The following ROR2 variants were observed in gnomAD, a reference collection of about 807,000 sequenced individuals.
ROR2 encodes the protein tyrosine-protein kinase transmembrane receptor ROR2.
A neutral mutation model predicts 74.9 loss-of-function variants in ROR2; 33 were observed. That is an observed-to-expected ratio of 0.44 (90% CI 0.33 to 0.59). The LOEUF (loss-of-function observed/expected upper bound fraction) is 0.59. Among genes scored for constraint, ROR2 ranks in the 20% least tolerant of loss-of-function variants. ROR2 has a pLI of 0.02. For synonymous variants in ROR2, 586 were observed against 558.7 expected, an observed-to-expected ratio of 1.05 and a Z score of -0.69; for missense variants, 1,216 against 1,313.8, an observed-to-expected ratio of 0.93 and a Z score of 1.15.
At position 91,783,751 on chromosome 9, in the gene ROR2, G is replaced by A. The variant is rs766157622; in HGVS notation, c.98-7933C>T. The stretch of plus-strand genomic sequence containing the variant: ...CCTGGAGGGCACACCAGGGATGGAG[G>A]TGGAGTTGGCCTTCTGCAGCCTGAC... On this transcript the variant is annotated intron_variant, in intron 1 of 8. Coordinates refer to ENST00000375708, the MANE Select transcript of ROR2 (RefSeq NM_004560.4). Among the ~76,000 whole-genome samples, 5 of 152,196 alleles carry A rather than the reference G, an allele frequency of 3.3e-5. 1 individual carries two copies.
chr9:91,898,894 C>A (rs1830602669), intron 1 of ROR2, among the ~76,000 whole-genome samples: 1 of 152,194 alleles, frequency 6.6e-6, no homozygotes, highest in Admixed American at 6.5e-5. Context: ...CTGAGCAAGG[C>A]CACAGTAACT....
At chr9:91,847,052 C>T (rs1828954948) in intron 1 of ROR2, among the ~76,000 whole-genome samples, 1 of 152,020 alleles carries the variant, frequency 6.6e-6, no homozygotes, top group Admixed American at 6.5e-5. Context: ...GGCTCACAGA[C>T]ACAAATGGCA....
intron 1 of ROR2, among the ~76,000 whole-genome samples, chr9:91,786,601 C>T (rs750475501): frequency 1.3e-5 from 2 of 152,174 alleles, no homozygotes; most frequent in Non-Finnish European, 2.9e-5. Flanking sequence ...GGCCACCAAC[C>T]TCGCAAACAG....
intron 1 of ROR2, among the ~76,000 whole-genome samples, chr9:91,792,294 A>C (rs181839163): frequency 6.6e-6 from 1 of 151,834 alleles, no homozygotes; most frequent in East Asian, 1.9e-4. Context: ...TCGAGACCAA[A>C]AGTTGGTTCT....
intron 4 of ROR2, among the ~76,000 whole-genome samples, chr9:91,746,927 T>C (rs895959992): frequency 6.6e-6 from 1 of 150,908 alleles, no homozygotes; most frequent in Middle Eastern, 3.2e-3. Context: ...GGCCATGGGG[T>C]GGGTCCAGGA....
intron 1 of ROR2, among the ~76,000 whole-genome samples, chr9:91,808,754 C>A (rs919567480): frequency 1.3e-5 from 2 of 151,912 alleles, no homozygotes; most frequent in African/African-American, 4.8e-5. Flanking sequence ...GTCAGGAGAT[C>A]GAGACCATCC....
At chr9:91,866,293 T>C (rs965787006) in intron 1 of ROR2, among the ~76,000 whole-genome samples, 3 of 151,834 alleles carry the variant, frequency 2.0e-5, no homozygotes, top group African/African-American at 7.3e-5. Flanking sequence ...CTAATTTTTA[T>C]ATTTTTAGTA....
intron 4 of ROR2, among the ~76,000 whole-genome samples, chr9:91,738,257 ACT>A (rs1417968354): frequency 6.6e-6 from 1 of 152,080 alleles, no homozygotes; most frequent in East Asian, 1.9e-4. Context: ...GGGCGGGAAG[ACT>A]CTGGATTTTC....
rs773726088 is a variant in ROR2 at position 91,814,369 on chromosome 9, C to T, written c.98-38551G>A. On this transcript the variant is annotated intron_variant, in intron 1 of 8. Transcript: ENST00000375708. Reference sequence around the variant, plus strand: ...ACTCCTGTCCGTTCGTCAGAGGCCACGCACTCTAGCCTCCCCTTACCCCAC... The same window carrying T: ...ACTCCTGTCCGTTCGTCAGAGGCCATGCACTCTAGCCTCCCCTTACCCCAC... Among the ~76,000 whole-genome samples the T allele has an allele frequency of 5.3e-5, 8 of 152,140 alleles. No individual in the cohort carries two copies. In the South Asian group the frequency reaches 1.0e-3, roughly 20 times the overall value.
intron 1 of ROR2, among the ~76,000 whole-genome samples, chr9:91,879,256 A>C (rs773621756): frequency 2.0e-5 from 3 of 152,212 alleles, no homozygotes; most frequent in Non-Finnish European, 4.4e-5. Context: ...CTGGCCCAGG[A>C]AGACCTCCAC....
intron 1 of ROR2, chr9:91,887,184 G>T (rs935865830): frequency 6.6e-6 from 1 of 152,176 alleles, no homozygotes; most frequent in African/African-American, 2.4e-5. Context: ...CCAATTATTT[G>T]AAAGTTGCCA....
intron 1 of ROR2, among the ~76,000 whole-genome samples, chr9:91,835,508 T>C (rs1348226870): frequency 6.6e-6 from 1 of 151,806 alleles, no homozygotes; most frequent in African/African-American, 2.4e-5. Flanking sequence ...CAGAGTTAAA[T>C]GTAGATTGGA....
At chr9:91,804,585 G>T (rs757267916) in intron 1 of ROR2, among the ~76,000 whole-genome samples, 1 of 152,242 alleles carries the variant, frequency 6.6e-6, no homozygotes, top group East Asian at 1.9e-4. Flanking sequence ...GTGGCAGAGC[G>T]TCATGCGGCC....
chr9:91,900,403 C>G (rs1830644625), intron 1 of ROR2, among the ~76,000 whole-genome samples: 1 of 152,244 alleles, frequency 6.6e-6, no homozygotes, highest in South Asian at 2.1e-4. Flanking sequence ...TGGCGCAGGC[C>G]CCCCCACGCA....
At chr9:91,866,227 C>T (rs554637624) in intron 1 of ROR2, among the ~76,000 whole-genome samples, 1 of 152,108 alleles carries the variant, frequency 6.6e-6, no homozygotes, top group South Asian at 2.1e-4. Flanking sequence ...TCAAGTGATT[C>T]TCCTGCCTCA....
chr9:91,744,918 A>T (rs1156322813), intron 4 of ROR2, among the ~76,000 whole-genome samples: 1 of 151,840 alleles, frequency 6.6e-6, no homozygotes, highest in Non-Finnish European at 1.5e-5. Context: ...TCCTTGAAAA[A>T]CCCTGAAGTC....
chr9:91,782,571 C>T (rs561757008), intron 1 of ROR2, among the ~76,000 whole-genome samples: 31 of 117,488 alleles, frequency 2.6e-4, no homozygotes, highest in African/African-American at 9.6e-4. Context: ...CTAACACTAA[C>T]GATAGCTGAT....
intron 1 of ROR2, among the ~76,000 whole-genome samples, chr9:91,888,943 T>C (rs1830356120): frequency 6.6e-6 from 1 of 152,138 alleles, no homozygotes; most frequent in Non-Finnish European, 1.5e-5. Flanking sequence ...GGCTCTTCCA[T>C]TTTTTTCATG....
chr9:91,805,836 T>G (rs1235840676), intron 1 of ROR2, among the ~76,000 whole-genome samples: 3 of 152,192 alleles, frequency 2.0e-5, no homozygotes, highest in Admixed American at 2.0e-4. Context: ...TCACCAACAC[T>G]GCCCTCCCCA....
Sources: allele counts gnomAD v4.1 joint callset (sites outside exome capture counted in the v4.1 genomes callset), GRCh38; gene constraint gnomAD v4.1.1; transcripts MANE v1.5; gene names NCBI Gene and HGNC (gene_info 2026-07-23, HGNC 2026-07-21).